The following PIEZO2 variants were observed in gnomAD, a reference collection of about 807,000 sequenced individuals.
The protein encoded by PIEZO2 is piezo-type mechanosensitive ion channel component 2.
A neutral mutation model predicts 337.3 loss-of-function variants in PIEZO2; 172 were observed. That is an observed-to-expected ratio of 0.51 (90% CI 0.45 to 0.58). The LOEUF (loss-of-function observed/expected upper bound fraction) is 0.58, where lower values mean the gene tolerates loss of function less well. Ranked by LOEUF, PIEZO2 falls within the 20% of genes least tolerant of loss-of-function variation. The pLI, the probability that PIEZO2 is intolerant of heterozygous loss-of-function variation, is 0.00. For synonymous variants in PIEZO2, 1,251 were observed against 1,228.5 expected (o/e 1.02, Z -0.38); for missense variants, 3,028 against 3,391.3 (o/e 0.89, Z 2.66).
chr18:10,705,573 C>G lies in PIEZO2; in HGVS notation c.5762G>C (p.Ser1921Thr), dbSNP rs553122682. 6.5e-7 allele frequency: 1 copy of G among 1,537,126 alleles called. No individual in the cohort carries two copies. Among genetic ancestry groups the G allele is most frequent in the Non-Finnish European group, 8.7e-7 (1 of 1,146,906 alleles). The stretch of plus-strand genomic sequence containing the variant: ...TGTCAGCTCTTCCTCTGGGGTGAGG[C>G]TGGCCTCCTCGGCACCCATGGCTCC... ...DVGAMGAEEA[S>T]LTPEEELTQF... The change falls in exon 41 of 56, where the codon AGC becomes ACC. Residue 1921 changes from serine to threonine, a missense_variant. Ser to Thr is a moderately conservative substitution (Grantham distance 58, BLOSUM62 1). Coordinates refer to ENST00000674853, the MANE Select transcript of PIEZO2 (RefSeq NM_001378183.1).
chr18:11,039,340 A>G (rs896245741), intron 2 of PIEZO2, among the ~76,000 whole-genome samples: 2 of 152,184 alleles, frequency 1.3e-5, no homozygotes, highest in East Asian at 3.8e-4. Flanking sequence ...GGAACATTCT[A>G]TAGGCAGAAA....
rs2040739667 is a variant in PIEZO2 at position 10,828,240 on chromosome 18, T to A, written c.918-20966A>T. Among the ~76,000 whole-genome samples, 1 of 152,176 alleles carries A rather than the reference T, an allele frequency of 6.6e-6. No homozygotes were observed. Among genetic ancestry groups the A allele is most frequent in the East Asian group, 1.9e-4 (1 of 5,176 alleles). On this transcript the variant is annotated intron_variant, in intron 7 of 55. Transcript: ENST00000674853. The surrounding 1 kb of genome is among the most constrained non-coding windows in gnomAD (Gnocchi z 4.1). ...TTGAGACAGGATGTTGAAGTACTAT[T>A]TGATAGAAAATTTTCCCTATCTTCT...
intron 27 of PIEZO2, 138 bp downstream of exon 27, chr18:10,757,831 T>C: frequency 7.1e-6 from 7 of 979,828 alleles, no homozygotes; most frequent in Non-Finnish European, 1.0e-5. Flanking sequence ...CTGAACCACA[T>C]TGTCCAGCAT....
At chr18:10,845,904 C>A (rs1339262201) in intron 7 of PIEZO2, among the ~76,000 whole-genome samples, 2 of 152,182 alleles carry the variant, frequency 1.3e-5, no homozygotes, top group Non-Finnish European at 2.9e-5. Context: ...TTTGCAAACA[C>A]CACGTTAAGA....
intron 49 of PIEZO2, among the ~76,000 whole-genome samples, chr18:10,683,572 C>T (rs922139698): frequency 8.5e-5 from 13 of 152,270 alleles, no homozygotes; most frequent in Admixed American, 5.2e-4. Context: ...ATTTTCTTCC[C>T]GATTTTCTAT....
intron 38 of PIEZO2, 60 bp from the exon 39 acceptor site, chr18:10,714,990 G>A: frequency 2.0e-6 from 3 of 1,487,806 alleles, no homozygotes; most frequent in South Asian, 1.3e-5. Flanking sequence ...ATAGCCACCT[G>A]GCATTTCTCA....
intron 1 of PIEZO2, among the ~76,000 whole-genome samples, chr18:11,103,243 T>G (rs1160381665): frequency 3.3e-5 from 5 of 152,220 alleles, no homozygotes; most frequent in Admixed American, 1.3e-4. Context: ...AATAAACAAC[T>G]TATACAATAA....
chr18:10,702,319 A>G (rs1325689050), intron 42 of PIEZO2, 148 bp from the exon 43 acceptor site: 1 of 721,578 alleles, frequency 1.4e-6, no homozygotes, highest in Non-Finnish European at 2.2e-6. Flanking sequence ...GTGGAATAGT[A>G]ACATTATCAT....
chr18:11,073,841 A>G (rs1303883719), intron 1 of PIEZO2, among the ~76,000 whole-genome samples: 1 of 145,838 alleles, frequency 6.9e-6, no homozygotes, highest in African/African-American at 2.5e-5. Context: ...AAGACAAATA[A>G]CAACTGCTTT....
chr18:10,758,073 C>T lies in PIEZO2; in HGVS notation c.3819G>A (p.Lys1273=). The T allele has an allele frequency of 6.5e-7, 1 of 1,537,570 alleles. No homozygotes were observed. Among genetic ancestry groups the T allele is most frequent in the South Asian group, 1.2e-5 (1 of 84,062 alleles). The change falls in exon 27 of 56, where the codon AAG becomes AAA. Residue 1273 remains lysine (K), a synonymous_variant. Transcript: ENST00000674853. ...LQRQIFEDEN[K]AAVRIMAGDN... is the part of the protein sequence containing the mutation. ...CACCTGCCATGATTCGCACTGCAGCCTTGTTCTCATCCTCAAAAATCTGCC... is the reference window on the plus strand; with the variant it reads ...CACCTGCCATGATTCGCACTGCAGCTTTGTTCTCATCCTCAAAAATCTGCC...
At chr18:11,091,112 G>A (rs748832362) in intron 1 of PIEZO2, among the ~76,000 whole-genome samples, 3 of 151,922 alleles carry the variant, frequency 2.0e-5, no homozygotes, top group Non-Finnish European at 4.4e-5. Context: ...CAGGCCCGGC[G>A]CAGTGGCTCA....
Position 10,780,458 on chromosome 18 carries a change from G to A in PIEZO2, c.2493-92C>T, listed in dbSNP as rs982241966. 4 of 695,884 alleles carry A rather than the reference G, an allele frequency of 5.7e-6. No homozygotes were observed. The African/African-American group carries it at 7.0e-5, about 12-fold the overall frequency. The allele number at this position is 695,884 out of a possible 1,614,324, so 43.1% of individuals were successfully genotyped here. On this transcript the variant is annotated intron_variant, in intron 17 of 55. Transcript: ENST00000674853. The stretch of plus-strand genomic sequence containing the variant: ...CTGTTAGACAGAGACGAACAAAGTG[G>A]ACTCCCTTAAGCTTCCTAGCATCAA...
At chr18:11,060,676 T>G (rs149415046) in intron 2 of PIEZO2, among the ~76,000 whole-genome samples, 2,182 of 152,212 alleles carry the variant, frequency 0.014, 38 homozygotes, top group African/African-American at 0.041. Context: ...ATAAATTCCT[T>G]GACACATACA....
chr18:10,726,379 T>C lies in PIEZO2; in HGVS notation c.5029+5028A>G, dbSNP rs993385827. 9 of 1,520,116 alleles carry C rather than the reference T, an allele frequency of 5.9e-6. No homozygotes were observed. Among genetic ancestry groups the C allele is most frequent in the African/African-American group, 1.4e-5 (1 of 72,482 alleles). The allele number at this position is 1,520,116 out of a possible 1,614,324, so 94.2% of individuals were successfully genotyped here. A position where few individuals can be genotyped will look rare whatever the true frequency, so the allele number is the denominator to read the frequency against. On this transcript the variant is annotated intron_variant, in intron 36 of 55. Transcript: ENST00000674853. The surrounding 1 kb of genome is among the most constrained non-coding windows in gnomAD (Gnocchi z 5.9). ...GCCTTCCCCGCAGGCACCCACTACC[T>C]GCGGGGCGGTAACAACGCGCGCCAG...
At chr18:10,711,190 G>A (rs1233153842) in intron 39 of PIEZO2, among the ~76,000 whole-genome samples, 1 of 152,150 alleles carries the variant, frequency 6.6e-6, no homozygotes, top group Non-Finnish European at 1.5e-5. Context: ...ATTTTAACCA[G>A]TTGTTTTTCC....
chr18:11,024,478 G>A (rs529476519), intron 2 of PIEZO2, among the ~76,000 whole-genome samples: 102 of 150,128 alleles, frequency 6.8e-4, no homozygotes, highest in African/African-American at 2.3e-3. Context: ...CCCGGGAGGC[G>A]GAGCTTGCAG....
chr18:11,040,185 A>C (rs7228944), intron 2 of PIEZO2, among the ~76,000 whole-genome samples: 1 of 152,006 alleles, frequency 6.6e-6, no homozygotes, highest in Non-Finnish European at 1.5e-5. Flanking sequence ...CAACAAGTCC[A>C]GAAGAAGTCC....
In PIEZO2 at chr18:10,767,612, G is replaced by C. The variant is rs1306784383; in HGVS notation, c.2946+2536C>G. On this transcript the variant is annotated intron_variant, in intron 21 of 55. Coordinates refer to ENST00000674853, the MANE Select transcript of PIEZO2 (RefSeq NM_001378183.1). The surrounding 1 kb of genome is among the most constrained non-coding windows in gnomAD (Gnocchi z 4.2). ...TGGAGCTTGGGCACTGGTACCCATG[G>C]GGCCAGAAGAGATGAAGAGCTCTGG... 6.6e-6 allele frequency among the ~76,000 whole-genome samples: 1 copy of C among 152,192 alleles called. No individual in the cohort carries two copies. Among genetic ancestry groups the C allele is most frequent in the African/African-American group, 2.4e-5 (1 of 41,438 alleles).
intron 2 of PIEZO2, among the ~76,000 whole-genome samples, chr18:11,037,171 C>T (rs767763753): frequency 6.6e-6 from 1 of 152,010 alleles, no homozygotes; most frequent in Non-Finnish European, 1.5e-5. Flanking sequence ...TTCACCATGT[C>T]GGCCAGTCAG....
Sources: gnomAD v4.1 joint callset for allele counts (sites outside exome capture counted in the v4.1 genomes callset) on GRCh38, gnomAD v4.1.1 for gene constraint, Gnocchi (gnomAD v3.1) non-coding constraint, MANE v1.5 for transcripts, NCBI Gene and HGNC (gene_info 2026-07-23, HGNC 2026-07-21) for gene names.